Variants in KATNIP observed in about 807,000 individuals in gnomAD.
The protein encoded by KATNIP is katanin-interacting protein.
A neutral mutation model predicts 174.0 loss-of-function variants in KATNIP; 126 were observed. The ratio of observed to expected loss-of-function variants is 0.72; its 90% confidence interval spans 0.63 to 0.84. The LOEUF is 0.84. KATNIP is among the 40% of genes least tolerant of loss of function. The pLI is 0.00. For missense variants in KATNIP, 1,958 were observed against 2,109.7 expected, an observed-to-expected ratio of 0.93 and a Z score of 1.41; for synonymous variants, 810 against 835.7, an observed-to-expected ratio of 0.97 and a Z score of 0.53.
intron 6 of KATNIP, among the ~76,000 whole-genome samples, chr16:27,663,152 CT>C (rs11440523): frequency 0.019 from 1,532 of 80,030 alleles, 14 homozygotes; most frequent in African/African-American, 0.069. Context: ...TTTTCTTCTT[CT>C]TTTTTTTTTT....
chr16:27,768,579 A>G (rs2082195337), intron 20 of KATNIP, among the ~76,000 whole-genome samples: 2 of 152,178 alleles, frequency 1.3e-5, no homozygotes, highest in South Asian at 2.1e-4. Flanking sequence ...CAAGCCAGCA[A>G]AACCCCAGGA....
chr16:27,579,716 C>T (rs538732898), intron 2 of KATNIP, among the ~76,000 whole-genome samples: 3 of 152,100 alleles, frequency 2.0e-5, no homozygotes, highest in South Asian at 4.2e-4. Flanking sequence ...AACGGAAGGC[C>T]GTTTTTGCAG....
At chr16:27,588,878 CTTTTTTTT>C (rs11346883) in intron 2 of KATNIP, among the ~76,000 whole-genome samples, 1 of 78,110 alleles carries the variant, frequency 1.3e-5, no homozygotes, top group Admixed American at 1.7e-4. Context: ...CAACTCTATT[CTTTTTTTT>C]TTTTTTTTTT....
At chr16:27,691,129 C>A (rs1342225875) in intron 8 of KATNIP, among the ~76,000 whole-genome samples, 1 of 152,138 alleles carries the variant, frequency 6.6e-6, no homozygotes, top group East Asian at 1.9e-4. Flanking sequence ...AGGCCCCTTG[C>A]ATGTAGAAAG....
intron 3 of KATNIP, among the ~76,000 whole-genome samples, chr16:27,624,878 C>CAT (rs2076288712): frequency 6.6e-6 from 1 of 152,138 alleles, no homozygotes; most frequent in East Asian, 1.9e-4. Context: ...CACCATGGCC[C>CAT]ATAGGACAGA....
At chr16:27,681,557 G>A in intron 8 of KATNIP, 27 bp downstream of exon 8, 1 of 1,613,784 alleles carries the variant, frequency 6.2e-7, no homozygotes, top group Non-Finnish European at 8.5e-7. Flanking sequence ...CCCCTGAGCA[G>A]GGGAGCAGGG....
Position 27,766,299 on chromosome 16 carries a change from A to G in KATNIP, c.3810-10A>G, listed in dbSNP as rs759959427. ...GCCGCCCCCCTGCCGCTCCGTCCCC[A>G]TTGCTGCAGGTTAATTGATGGCACC... On this transcript the variant is annotated splice_polypyrimidine_tract_variant and intron_variant, in intron 19 of 27. Coordinates refer to ENST00000261588, the MANE Select transcript of KATNIP (RefSeq NM_015202.5). 5 of 1,613,790 alleles carry G rather than the reference A, an allele frequency of 3.1e-6. No homozygotes were observed. Among genetic ancestry groups the G allele is most frequent in the Non-Finnish European group, 4.2e-6 (5 of 1,179,936 alleles).
chr16:27,563,465 C>A (rs907429175), intron 1 of KATNIP, among the ~76,000 whole-genome samples: 3 of 152,122 alleles, frequency 2.0e-5, no homozygotes, highest in Non-Finnish European at 4.4e-5. Context: ...CTGCAGTGAG[C>A]TGTGATCACA....
chr16:27,721,281 C>A (rs2080227794), intron 13 of KATNIP, among the ~76,000 whole-genome samples: 2 of 152,212 alleles, frequency 1.3e-5, no homozygotes, highest in African/African-American at 4.8e-5. Context: ...ATAAAGCCCG[C>A]TGCATTTTAA....
At chr16:27,647,566 C>T (rs2076995326) in intron 5 of KATNIP, among the ~76,000 whole-genome samples, 1 of 151,134 alleles carries the variant, frequency 6.6e-6, no homozygotes, top group South Asian at 2.1e-4. Context: ...AGTGCAATGG[C>T]ATGATCTCGG....
At chr16:27,561,315 G>C (rs1024663912) in intron 1 of KATNIP, among the ~76,000 whole-genome samples, 1 of 151,842 alleles carries the variant, frequency 6.6e-6, no homozygotes, top group Non-Finnish European at 1.5e-5. Flanking sequence ...GGGCCACTTT[G>C]CCTGGCCTGG....
In KATNIP at chr16:27,740,713, A is replaced by T. The variant is rs1220002004; in HGVS notation, c.2416A>T (p.Lys806Ter). Reference sequence around the variant, plus strand: ...TCCTGGAGAGACCGAGGCCAGGGATAAAGGCCTACGGCATGAGCCAGGGTG... The same window carrying T: ...TCCTGGAGAGACCGAGGCCAGGGATTAAGGCCTACGGCATGAGCCAGGGTG... ...EGPGETEARD[K>*]GLRHEPGWGT... is the part of the protein sequence containing the mutation. The change falls in exon 15 of 28, where the codon AAA becomes TAA. Residue 806 changes from lysine to a stop codon, truncating the protein, a stop_gained. Coordinates refer to ENST00000261588, the MANE Select transcript of KATNIP (RefSeq NM_015202.5). LOFTEE classifies it high-confidence loss of function. The T allele has an allele frequency of 6.2e-7, 1 of 1,614,184 alleles. No individual in the cohort carries two copies. The highest frequency in any genetic ancestry group is 2.2e-5 in the East Asian group (1 of 44,886).
intron 1 of KATNIP, among the ~76,000 whole-genome samples, chr16:27,561,001 C>T (rs917637436): frequency 2.6e-5 from 4 of 151,778 alleles, no homozygotes; most frequent in Admixed American, 1.3e-4. Context: ...TGGCTGCATC[C>T]TTTTTGTCTT....
chr16:27,713,854 A>ATCTC (rs1400112435), intron 13 of KATNIP, among the ~76,000 whole-genome samples: 1 of 69,314 alleles, frequency 1.4e-5, no homozygotes, highest in East Asian at 3.6e-4. Context: ...ATATATATAT[A>ATCTC]TATCTATCTC....
intron 2 of KATNIP, among the ~76,000 whole-genome samples, chr16:27,580,622 G>C (rs2090662327): frequency 6.6e-6 from 1 of 151,896 alleles, no homozygotes; most frequent in Admixed American, 6.6e-5. Context: ...CAGGTATGCA[G>C]CTATGCAGAA....
In KATNIP at chr16:27,766,465, C is replaced by G; in HGVS notation, c.3966C>G (p.Thr1322=). 6.2e-7 allele frequency: 1 copy of G among 1,612,148 alleles called. No homozygotes were observed. The highest frequency in any genetic ancestry group is 8.5e-7 in the Non-Finnish European group (1 of 1,179,848). ...FWNYNKSPED[T]YRGAKIVHVS... ...ACTACAATAAATCTCCCGAGGACAC[C>G]TATCGCGGGGTAAGCTGGGGAGCAG... Residue 1322 remains threonine (T), a synonymous_variant, in exon 20 of 28, where the codon ACC becomes ACG. Coordinates refer to ENST00000261588, the MANE Select transcript of KATNIP (RefSeq NM_015202.5).
chr16:27,684,121 ACT>A (rs2078441045), intron 8 of KATNIP, among the ~76,000 whole-genome samples: 1 of 152,192 alleles, frequency 6.6e-6, no homozygotes, highest in Non-Finnish European at 1.5e-5. Context: ...AAAGCACTGA[ACT>A]AGCTCCCAAG....
intron 1 of KATNIP, among the ~76,000 whole-genome samples, chr16:27,565,071 G>A (rs1015738897): frequency 6.6e-6 from 1 of 151,538 alleles, no homozygotes; most frequent in African/African-American, 2.4e-5. Flanking sequence ...GCCCTACCTG[G>A]CTTTCAAACA....
intron 13 of KATNIP, 116 bp from the exon 14 acceptor site, chr16:27,721,442 C>T: frequency 8.0e-7 from 1 of 1,251,958 alleles, no homozygotes; most frequent in Non-Finnish European, 1.2e-6. Flanking sequence ...TGGCTGTCTG[C>T]CCTGAGCCCT....
Sources: gnomAD v4.1 joint callset for allele counts (sites outside exome capture counted in the v4.1 genomes callset) on GRCh38, gnomAD v4.1.1 for gene constraint, MANE v1.5 for transcripts, NCBI Gene and HGNC (gene_info 2026-07-23, HGNC 2026-07-21) for gene names.